COL8A1: variants seen among roughly 807,000 people sequenced by gnomAD.
COL8A1 encodes collagen alpha-1(VIII) chain.
A neutral mutation model predicts 42.7 loss-of-function variants in COL8A1; 21 were observed. The observed-to-expected ratio is 0.49, with a 90% CI of 0.35 to 0.71. The LOEUF is 0.71. Ranked by LOEUF, COL8A1 falls within the 30% of genes least tolerant of loss-of-function variation. The probability of loss-of-function intolerance (pLI) is 0.01; values close to 1 mark genes in which losing one functional copy is unlikely to be tolerated. For synonymous variants in COL8A1, 367 were observed against 369.1 expected (o/e 0.99, Z 0.06); for missense variants, 788 against 962.4 (o/e 0.82, Z 2.40).
intron 1 of COL8A1, among the ~76,000 whole-genome samples, chr3:99,708,451 T>A (rs1011373524): frequency 1.3e-5 from 2 of 152,192 alleles, no homozygotes; most frequent in Non-Finnish European, 2.9e-5. Context: ...CTTGGCCCAT[T>A]GGCTTGCCTT....
At chr3:99,787,824 C>A (rs1941923375) in intron 2 of COL8A1, among the ~76,000 whole-genome samples, 1 of 151,784 alleles carries the variant, frequency 6.6e-6, no homozygotes. Context: ...AATGTTCACA[C>A]ACATTAGATA....
chr3:99,658,231 C>T (rs555297110), intron 1 of COL8A1, among the ~76,000 whole-genome samples: 8 of 152,146 alleles, frequency 5.3e-5, no homozygotes, highest in Non-Finnish European at 1.0e-4. Flanking sequence ...CTTCTCAGCT[C>T]CATTCCTTGC....
intron 1 of COL8A1, among the ~76,000 whole-genome samples, chr3:99,741,916 G>C (rs900912209): frequency 1.3e-5 from 2 of 151,946 alleles, no homozygotes; most frequent in Admixed American, 1.3e-4. Context: ...ACCTCCATAA[G>C]GTATAACATT....
intron 2 of COL8A1, among the ~76,000 whole-genome samples, chr3:99,779,795 T>C (rs1487003379): frequency 6.6e-6 from 1 of 150,910 alleles, no homozygotes; most frequent in African/African-American, 2.4e-5. Flanking sequence ...TTTAGAAAAA[T>C]GCCTCCATGA....
chr3:99,792,692 GC>G (rs2107458088), intron 3 of COL8A1, among the ~76,000 whole-genome samples: 1 of 152,302 alleles, frequency 6.6e-6, no homozygotes, highest in East Asian at 1.9e-4. Context: ...GATAAGCAGA[GC>G]TTCTTGTTCC....
intron 1 of COL8A1, among the ~76,000 whole-genome samples, chr3:99,650,930 T>A (rs1333850432): frequency 1.3e-5 from 2 of 152,238 alleles, no homozygotes; most frequent in Non-Finnish European, 1.5e-5. Context: ...CCCCAGTGAA[T>A]GCTATGACTG....
At chr3:99,646,923 A>G (rs1032809265) in intron 1 of COL8A1, among the ~76,000 whole-genome samples, 3 of 152,226 alleles carry the variant, frequency 2.0e-5, no homozygotes, top group Non-Finnish European at 4.4e-5. Context: ...CTGGAGAAAG[A>G]TAACTGTTTA....
At chr3:99,785,561 G>A (rs1163842900) in intron 2 of COL8A1, among the ~76,000 whole-genome samples, 1 of 152,200 alleles carries the variant, frequency 6.6e-6, no homozygotes, top group African/African-American at 2.4e-5. Flanking sequence ...TATGGGCTGA[G>A]TTGCATCCCC....
At chr3:99,783,530 A>G (rs577841525) in intron 2 of COL8A1, among the ~76,000 whole-genome samples, 6 of 152,352 alleles carry the variant, frequency 3.9e-5, no homozygotes, top group East Asian at 1.9e-4. Context: ...CCAGAATCTG[A>G]CAGGCTTATT....
intron 2 of COL8A1, among the ~76,000 whole-genome samples, chr3:99,754,324 G>T (rs1460978453): frequency 6.6e-6 from 1 of 152,114 alleles, no homozygotes; most frequent in East Asian, 1.9e-4. Flanking sequence ...CCAAAAATGT[G>T]GTTTAGGGGT....
chr3:99,671,704 T>A (rs1443943223), intron 1 of COL8A1, among the ~76,000 whole-genome samples: 1 of 151,998 alleles, frequency 6.6e-6, no homozygotes, highest in Non-Finnish European at 1.5e-5. Flanking sequence ...AATGGAACCA[T>A]TGTACATTGT....
intron 2 of COL8A1, among the ~76,000 whole-genome samples, chr3:99,773,817 A>ATATATATATATATATATATATATATAT (rs1553682070): frequency 1.2e-4 from 6 of 49,698 alleles, no homozygotes; most frequent in South Asian, 7.9e-4. Flanking sequence ...ATATGTGTGT[A>ATATATATATATATATATATATATATAT]TATATATATA....
At chr3:99,695,622 T>G (rs1044963751) in intron 1 of COL8A1, among the ~76,000 whole-genome samples, 1 of 152,132 alleles carries the variant, frequency 6.6e-6, no homozygotes, top group African/African-American at 2.4e-5. Context: ...CCTTCTCTTT[T>G]CCTGCTTTTC....
In COL8A1 at chr3:99,764,701, C is replaced by CTTTTTTTT. The variant is rs10648559; in HGVS notation, c.-4+19689_-4+19696dup. Reference sequence around the variant, plus strand: ...GATTTTTCTTTTTTTTCTTTTTTTTCTTTTTTTTTTTTTTTTGAGATGGAG... The same window carrying CTTTTTTTT: ...GATTTTTCTTTTTTTTCTTTTTTTTCTTTTTTTTTTTTTTTTTTTTTTTTGAGATGGAG... On this transcript the variant is annotated intron_variant, in intron 2 of 3. Coordinates refer to ENST00000652472, the MANE Select transcript of COL8A1 (RefSeq NM_020351.4). Among the ~76,000 whole-genome samples the CTTTTTTTT allele has an allele frequency of 1.4e-4, 18 of 125,046 alleles. 1 individual carries two copies. The highest frequency in any genetic ancestry group is 4.5e-4 in the Admixed American group (5 of 11,076). 82.0% of individuals were successfully genotyped at this position (125,046 alleles called of 152,430 possible).
rs745858657 is a variant in COL8A1, at chr3:99,794,192, T to TC, written c.329-32dup. 8.2e-6 allele frequency: 11 copies of TC among 1,346,230 alleles called. No homozygotes were observed. In the African/African-American group the frequency reaches 1.5e-4, roughly 18 times the overall value. The allele number at this position is 1,346,230 out of a possible 1,614,324, so 83.4% of individuals were successfully genotyped here. On this transcript the variant is annotated intron_variant, in intron 3 of 3. Coordinates refer to ENST00000652472, the MANE Select transcript of COL8A1 (RefSeq NM_020351.4). The surrounding 1 kb of genome is among the most constrained non-coding windows in gnomAD (Gnocchi z 4.3). The stretch of plus-strand genomic sequence containing the variant: ...CAATCTACTAATCAATCTCTCTCTC[T>TC]CCCCCCATACCCCTTCTCTCTCTTC...
At chr3:99,689,447 C>T (rs928678270) in intron 1 of COL8A1, among the ~76,000 whole-genome samples, 6 of 152,144 alleles carry the variant, frequency 3.9e-5, no homozygotes, top group African/African-American at 1.4e-4. Context: ...TGTTCTCAGG[C>T]ACAGAGGTGA....
chr3:99,790,600 CCCCATTCTATCTCT>C, intron 2 of COL8A1, 66 bp from the exon 3 acceptor site: 1 of 1,125,132 alleles, frequency 8.9e-7, no homozygotes, highest in Non-Finnish European at 1.3e-6. Context: ...CCTTTTTTTT[CCCCATTCTATCTCT>C]AAATAAACTC....
At chr3:99,715,656 A>T (rs1307970035) in intron 1 of COL8A1, among the ~76,000 whole-genome samples, 1 of 152,040 alleles carries the variant, frequency 6.6e-6, no homozygotes, top group Non-Finnish European at 1.5e-5. Flanking sequence ...GAACAAGCAA[A>T]AATTTGTTGG....
chr3:99,792,475 T>C (rs749436527), intron 3 of COL8A1, among the ~76,000 whole-genome samples: 1 of 152,198 alleles, frequency 6.6e-6, no homozygotes, highest in Non-Finnish European at 1.5e-5. Flanking sequence ...GATCCAGAGT[T>C]GTGTTCATCT....
Sources: allele counts gnomAD v4.1 joint callset (sites outside exome capture counted in the v4.1 genomes callset), GRCh38; gene constraint gnomAD v4.1.1; non-coding constraint Gnocchi (gnomAD v3.1); transcripts MANE v1.5; gene names NCBI Gene and HGNC (gene_info 2026-07-23, HGNC 2026-07-21).